Variants in SLC25A25 observed in about 807,000 individuals in gnomAD.
The protein encoded by SLC25A25 is solute carrier family 25 member 25, also known as mitochondrial adenyl nucleotide antiporter SLC25A25.
Under a neutral mutation model 57.7 loss-of-function variants are expected in SLC25A25, and 32 were observed. The observed-to-expected ratio is 0.55, with a 90% CI of 0.42 to 0.74. The LOEUF is 0.74. Among genes scored for constraint, SLC25A25 ranks in the 30% least tolerant of loss-of-function variants. SLC25A25 has a pLI of 0.00. For missense variants in SLC25A25, 556 were observed against 701.3 expected, an observed-to-expected ratio of 0.79 and a Z score of 2.34; for synonymous variants, 306 against 291.2, an observed-to-expected ratio of 1.05 and a Z score of -0.52.
At chr9:128,072,815 T>C (rs1832936160) in intron 1 of SLC25A25, among the ~76,000 whole-genome samples, 1 of 152,270 alleles carries the variant, frequency 6.6e-6, no homozygotes, top group South Asian at 2.1e-4. Flanking sequence ...GGCATTTTCA[T>C]GTGACCAAAT....
intron 1 of SLC25A25, among the ~76,000 whole-genome samples, chr9:128,092,566 A>G (rs1392380039): frequency 1.3e-5 from 2 of 152,098 alleles, no homozygotes; most frequent in East Asian, 3.9e-4. Flanking sequence ...TGGGTCTGGG[A>G]GGAAGAGTGA....
intron 1 of SLC25A25, among the ~76,000 whole-genome samples, chr9:128,096,290 C>T (rs758516522): frequency 1.1e-4 from 17 of 152,176 alleles, no homozygotes; most frequent in Non-Finnish European, 1.6e-4. Context: ...AGGCAGATCA[C>T]TTGAGGCCAG....
intron 1 of SLC25A25, among the ~76,000 whole-genome samples, chr9:128,079,597 A>G (rs577859739): frequency 2.1e-5 from 3 of 143,886 alleles, no homozygotes; most frequent in African/African-American, 8.2e-5. Context: ...GTCTCTACTA[A>G]AAATACAAAA....
At chr9:128,078,684 G>A (rs1833072523) in intron 1 of SLC25A25, among the ~76,000 whole-genome samples, 1 of 152,188 alleles carries the variant, frequency 6.6e-6, no homozygotes, top group African/African-American at 2.4e-5. Context: ...AGTTGTGAAA[G>A]TGGAAGCTCA....
chr9:128,079,635 G>A (rs978874231), intron 1 of SLC25A25, among the ~76,000 whole-genome samples: 1 of 150,822 alleles, frequency 6.6e-6, no homozygotes, highest in Non-Finnish European at 1.5e-5. Flanking sequence ...AAATTAGCCG[G>A]GCCTGGTGGC....
At position 128,107,445 on chromosome 9, in the gene SLC25A25, CGGG is replaced by C. The variant is rs759027068; in HGVS notation, c.*5_*7del. ...CACCCTGGGCGTGCAGTCGCGGTGACGGGGGGAGGGCCGCCCGGCAGTGGACTC... is the reference window on the plus strand; with the variant it reads ...CACCCTGGGCGTGCAGTCGCGGTGACGGGAGGGCCGCCCGGCAGTGGACTC... On this transcript the variant is annotated 3_prime_UTR_variant, in exon 11 of 11. Coordinates refer to ENST00000373069, the MANE Select transcript of SLC25A25 (RefSeq NM_001330988.2). The C allele has an allele frequency of 3.3e-6, 5 of 1,504,670 alleles. No homozygotes were observed. The African/African-American group carries it at 7.0e-5, about 21-fold the overall frequency. 93.2% of individuals were successfully genotyped at this position (1,504,670 alleles called of 1,614,324 possible). A position where few individuals can be genotyped will look rare whatever the true frequency, so the allele number is the denominator to read the frequency against.
At chr9:128,069,774 C>T (rs978092107) in intron 1 of SLC25A25, among the ~76,000 whole-genome samples, 1 of 152,150 alleles carries the variant, frequency 6.6e-6, no homozygotes, top group African/African-American at 2.4e-5. Context: ...TGTTTTGAGA[C>T]GGAGTCTGGT....
At chr9:128,075,061 C>T (rs149512726) in intron 1 of SLC25A25, among the ~76,000 whole-genome samples, 5 of 152,288 alleles carry the variant, frequency 3.3e-5, no homozygotes, top group African/African-American at 1.2e-4. Context: ...TGCTTGAACC[C>T]GGGCAGCGGA....
chr9:128,085,907 T>C (rs933364586), intron 1 of SLC25A25, among the ~76,000 whole-genome samples: 2 of 152,176 alleles, frequency 1.3e-5, no homozygotes, highest in African/African-American at 2.4e-5. Context: ...GATTTTGCTA[T>C]GTTGCCCAGG....
intron 1 of SLC25A25, among the ~76,000 whole-genome samples, chr9:128,079,248 AAGCTTTC>A (rs1477649511): frequency 6.6e-6 from 1 of 151,922 alleles, no homozygotes; most frequent in Non-Finnish European, 1.5e-5. Flanking sequence ...CCGGTGCCTG[AAGCTTTC>A]AGTGTTGTTC....
At chr9:128,098,434 T>C in intron 1 of SLC25A25, 1 of 1,404,740 alleles carries the variant, frequency 7.1e-7, no homozygotes, top group Non-Finnish European at 9.3e-7. Flanking sequence ...TTCAATTAAG[T>C]AAAAGGGCAG....
intron 1 of SLC25A25, chr9:128,091,592 C>T: frequency 9.0e-7 from 1 of 1,117,188 alleles, no homozygotes; most frequent in Admixed American, 4.9e-5. Context: ...CTCACCATCA[C>T]CTGCAGAAGT....
intron 1 of SLC25A25, among the ~76,000 whole-genome samples, chr9:128,069,383 G>A (rs1832851294): frequency 6.6e-6 from 1 of 152,140 alleles, no homozygotes; most frequent in African/African-American, 2.4e-5. Flanking sequence ...CCTTCAGTCT[G>A]ACTTGGCGGG....
chr9:128,099,202 A>T lies in SLC25A25; in HGVS notation c.262-1894A>T. On this transcript the variant is annotated intron_variant, in intron 1 of 10. Coordinates refer to ENST00000373069, the MANE Select transcript of SLC25A25 (RefSeq NM_001330988.2). The surrounding 1 kb of genome is among the most constrained non-coding windows in gnomAD (Gnocchi z 6.8). Reference sequence around the variant, plus strand: ...CCTGTGTCTGCCCTGAAAGTGAGGAAGCCGAGCTGCAGAGTCCGGAGGCCC... The same window carrying T: ...CCTGTGTCTGCCCTGAAAGTGAGGATGCCGAGCTGCAGAGTCCGGAGGCCC... The T allele has an allele frequency of 2.4e-6, 3 of 1,275,150 alleles. No individual in the cohort carries two copies. The highest frequency in any genetic ancestry group is 3.1e-6 in the Non-Finnish European group (3 of 983,264). The allele number at this position is 1,275,150 out of a possible 1,614,324, so 79.0% of individuals were successfully genotyped here.
At chr9:128,104,328 C>T (rs1833928774) in intron 6 of SLC25A25, among the ~76,000 whole-genome samples, 1 of 152,262 alleles carries the variant, frequency 6.6e-6, no homozygotes, top group Non-Finnish European at 1.5e-5. Flanking sequence ...TGAATGGTGA[C>T]TGGCCACCAC....
In SLC25A25 at chr9:128,086,122, G is replaced by A. The variant is rs185127508; in HGVS notation, c.262-14974G>A. ...GTGTATTCTGCTGTTGTTGGGTGGAGTATTTTGTAAATGTCAGTGTGGTCA... is the reference window on the plus strand; with the variant it reads ...GTGTATTCTGCTGTTGTTGGGTGGAATATTTTGTAAATGTCAGTGTGGTCA... On this transcript the variant is annotated intron_variant, in intron 1 of 10. Transcript: ENST00000373069. 2.3e-3 allele frequency among the ~76,000 whole-genome samples: 345 copies of A among 151,320 alleles called. 2 individuals are homozygous for A. Among genetic ancestry groups the A allele is most frequent in the Non-Finnish European group, 2.3e-3 (159 of 67,898 alleles).
rs1291315536 is a variant in SLC25A25 at position 128,102,360 on chromosome 9, T to C, written c.513-10T>C. The C allele has an allele frequency of 6.2e-7, 1 of 1,611,008 alleles. No homozygotes were observed. Among genetic ancestry groups the C allele is most frequent in the African/African-American group, 1.3e-5 (1 of 74,838 alleles). On this transcript the variant is annotated splice_polypyrimidine_tract_variant and intron_variant, in intron 4 of 10. Coordinates refer to ENST00000373069, the MANE Select transcript of SLC25A25 (RefSeq NM_001330988.2). This position sits in a 1 kb window ranked among gnomAD's most constrained non-coding sequence, Gnocchi z 4.1. ...GTGGGCACGTGGGCAGCCTCGCCTC[T>C]GTCTTGCAGCATGGATAAAAACGGC...
intron 1 of SLC25A25, among the ~76,000 whole-genome samples, chr9:128,080,064 G>A (rs1290382272): frequency 2.0e-5 from 3 of 147,638 alleles, no homozygotes; most frequent in African/African-American, 5.0e-5. Flanking sequence ...CAGGAGAATC[G>A]CTTAAAAAAA....
In SLC25A25 at chr9:128,101,702, CGG is replaced by C. The variant is rs1833802456; in HGVS notation, c.476+309_476+310del. Among the ~76,000 whole-genome samples, 3 of 17,608 alleles carry C rather than the reference CGG, an allele frequency of 1.7e-4. No homozygotes were observed. In the South Asian group the frequency reaches 5.3e-3, roughly 31 times the overall value. The allele number at this position is 17,608 out of a possible 152,430, so 11.6% of individuals were successfully genotyped here. On this transcript the variant is annotated intron_variant, in intron 3 of 10. Transcript: ENST00000373069. This position sits in a 1 kb window ranked among gnomAD's most constrained non-coding sequence, Gnocchi z 4.9. ...GGAGCACCTGTGCGTGTGGAGGGGG[CGG>C]GGCGGGGCGGGGGGCTCACACTGCA...
Sources: allele counts gnomAD v4.1 joint callset (sites outside exome capture counted in the v4.1 genomes callset), GRCh38; gene constraint gnomAD v4.1.1; non-coding constraint Gnocchi (gnomAD v3.1); transcripts MANE v1.5; gene names NCBI Gene and HGNC (gene_info 2026-07-23, HGNC 2026-07-21).